UBE4B: variants seen among roughly 807,000 people sequenced by gnomAD.
The protein encoded by UBE4B is ubiquitination factor E4B.
A neutral mutation model predicts 148.1 loss-of-function variants in UBE4B; 27 were observed. The ratio of observed to expected loss-of-function variants is 0.18; its 90% CI spans 0.13 to 0.25. UBE4B has a LOEUF of 0.25. Ranked by LOEUF, UBE4B falls within the 10% of genes least tolerant of loss-of-function variation. The pLI is 1.00. For missense variants in UBE4B, 1,170 were observed against 1,662.4 expected (o/e 0.70, Z 5.15); for synonymous variants, 596 against 619.3 (o/e 0.96, Z 0.56).
At chr1:10,131,306 G>A (rs563339393) in intron 14 of UBE4B, among the ~76,000 whole-genome samples, 81 of 151,878 alleles carry the variant, frequency 5.3e-4, no homozygotes, top group African/African-American at 1.9e-3. Context: ...ACGAAACCCC[G>A]TCTCTACTAA....
chr1:10,077,965 T>C (rs1264901551), intron 2 of UBE4B, among the ~76,000 whole-genome samples: 1 of 152,164 alleles, frequency 6.6e-6, no homozygotes, highest in African/African-American at 2.4e-5. Context: ...GGGTGATGCT[T>C]TTCCTACAGA....
intron 1 of UBE4B, among the ~76,000 whole-genome samples, chr1:10,060,727 A>C (rs1470462643): frequency 6.6e-6 from 1 of 151,964 alleles, no homozygotes; most frequent in Non-Finnish European, 1.5e-5. Flanking sequence ...TTTGCTGTGT[A>C]TTTTAGAATC....
At chr1:10,079,842 T>C (rs1427258302) in intron 2 of UBE4B, among the ~76,000 whole-genome samples, 1 of 152,204 alleles carries the variant, frequency 6.6e-6, no homozygotes, top group Non-Finnish European at 1.5e-5. Flanking sequence ...TTCTTTAACA[T>C]GTTGACTCAA....
intron 14 of UBE4B, among the ~76,000 whole-genome samples, chr1:10,132,022 C>T (rs146038319): frequency 6.8e-4 from 103 of 151,218 alleles, no homozygotes; most frequent in African/African-American, 1.9e-3. Flanking sequence ...CCCAACTACT[C>T]GGGAGGCTGA....
intron 18 of UBE4B, among the ~76,000 whole-genome samples, chr1:10,145,910 A>G (rs1210928535): frequency 6.6e-6 from 1 of 152,192 alleles, no homozygotes; most frequent in Non-Finnish European, 1.5e-5. Context: ...TAGATAGCAA[A>G]TTTATGCATT....
chr1:10,049,892 C>CAAAAA (rs776583824), intron 1 of UBE4B, among the ~76,000 whole-genome samples: 23 of 85,162 alleles, frequency 2.7e-4, no homozygotes, highest in Non-Finnish European at 1.5e-4. Flanking sequence ...GACCCTGTCT[C>CAAAAA]AAAAAAAAAA....
intron 2 of UBE4B, among the ~76,000 whole-genome samples, chr1:10,090,976 A>G (rs1644838778): frequency 6.6e-6 from 1 of 152,312 alleles, no homozygotes; most frequent in Non-Finnish European, 1.5e-5. Flanking sequence ...TGATGTTCTG[A>G]TCTTCCCACA....
intron 1 of UBE4B, among the ~76,000 whole-genome samples, chr1:10,037,365 T>G (rs1643581464): frequency 6.6e-6 from 1 of 152,040 alleles, no homozygotes. Context: ...ACTTCACTGT[T>G]GTTTGTTATT....
At chr1:10,119,712 C>A in intron 9 of UBE4B, 99 bp downstream of exon 9, 1 of 983,426 alleles carries the variant, frequency 1.0e-6, no homozygotes. Context: ...CCTTAGATAA[C>A]TCCCTTCCTC....
intron 7 of UBE4B, among the ~76,000 whole-genome samples, chr1:10,114,378 T>C (rs992496412): frequency 5.9e-5 from 9 of 152,122 alleles, no homozygotes; most frequent in Non-Finnish European, 1.0e-4. Context: ...CAAGCAAAGA[T>C]AGATATTTAT....
intron 1 of UBE4B, chr1:10,059,385 GC>G: frequency 5.0e-6 from 1 of 200,248 alleles, no homozygotes. Context: ...TCAGAGCTCT[GC>G]CCTTTTGGAA....
At chr1:10,126,578 C>T (rs778571750) in intron 10 of UBE4B, among the ~76,000 whole-genome samples, 10 of 152,126 alleles carry the variant, frequency 6.6e-5, no homozygotes, top group Admixed American at 1.3e-4. Context: ...CCAAACTCCT[C>T]TTACTTCTGG....
chr1:10,074,446 C>G (rs1346316636), intron 2 of UBE4B, among the ~76,000 whole-genome samples: 1 of 152,080 alleles, frequency 6.6e-6, no homozygotes, highest in Admixed American at 6.6e-5. Flanking sequence ...GCTTCTCCCC[C>G]ACATCTCTGC....
rs1382873038 is a variant in UBE4B at position 10,179,704 on chromosome 1, C to T, written c.3847+142C>T. 2.8e-6 allele frequency: 4 copies of T among 1,432,310 alleles called. No individual in the cohort carries two copies. In the East Asian group the frequency reaches 9.5e-5, roughly 34 times the overall value. The allele number at this position is 1,432,310 out of a possible 1,614,324, so 88.7% of individuals were successfully genotyped here. On this transcript the variant is annotated intron_variant, in intron 27 of 27. Transcript: ENST00000343090. ...TTTATGACACTCTGTAGCAAAGACC[C>T]AAAACACTCTTGGCCCTTTTTCCCT...
At chr1:10,063,349 G>A (rs78925586) in intron 1 of UBE4B, among the ~76,000 whole-genome samples, 116 of 152,288 alleles carry the variant, frequency 7.6e-4, no homozygotes, top group African/African-American at 2.7e-3. Context: ...CTCACACTCA[G>A]TAATCTAATC....
In UBE4B at chr1:10,056,205, G is replaced by T. The variant is rs1644164909; in HGVS notation, c.25-15823G>T. ...GCTCTTGATCTTTTTGGTTTCTCTT[G>T]CTCCTAATTTCACAATTAGATGACA... On this transcript the variant is annotated intron_variant, in intron 1 of 27. Coordinates refer to ENST00000343090, the MANE Select transcript of UBE4B (RefSeq NM_001105562.3). Among the ~76,000 whole-genome samples, 3 of 152,122 alleles carry T rather than the reference G, an allele frequency of 2.0e-5. No individual in the cohort carries two copies. The South Asian group carries it at 6.2e-4, about 31-fold the overall frequency.
At chr1:10,175,384 G>C (rs1208615035) in intron 25 of UBE4B, among the ~76,000 whole-genome samples, 1 of 152,148 alleles carries the variant, frequency 6.6e-6, no homozygotes, top group South Asian at 2.1e-4. Flanking sequence ...GGGTGCAGTG[G>C]CTCACGCCTG....
At chr1:10,153,855 G>A (rs1646021533) in intron 21 of UBE4B, among the ~76,000 whole-genome samples, 1 of 152,026 alleles carries the variant, frequency 6.6e-6, no homozygotes, top group South Asian at 2.1e-4. Context: ...GGCTGAGGTG[G>A]GCGAATCACC....
intron 20 of UBE4B, 85 bp from the exon 21 acceptor site, chr1:10,151,241 A>T: frequency 2.4e-6 from 3 of 1,262,922 alleles, no homozygotes; most frequent in Non-Finnish European, 1.1e-6. Flanking sequence ...TCCCCTCCTC[A>T]CTTACTGACA....
Sources: gnomAD v4.1 joint callset for allele counts (sites outside exome capture counted in the v4.1 genomes callset) on GRCh38, gnomAD v4.1.1 for gene constraint, MANE v1.5 for transcripts, NCBI Gene and HGNC (gene_info 2026-07-23, HGNC 2026-07-21) for gene names.